Variants in GPC5 observed in about 807,000 individuals in gnomAD.
The protein encoded by GPC5 is glypican 5.
Under a neutral mutation model 53.9 loss-of-function variants are expected in GPC5, and 47 were observed. The ratio of observed to expected loss-of-function variants is 0.87; its 90% CI spans 0.69 to 1.11. The LOEUF (loss-of-function observed/expected upper bound fraction) is 1.11. Among genes scored for constraint, GPC5 ranks in the 50% most tolerant of loss-of-function variants. The probability of loss-of-function intolerance (pLI) is 0.00; values close to 1 mark genes in which losing one functional copy is unlikely to be tolerated. For synonymous variants in GPC5, 286 were observed against 263.3 expected, an observed-to-expected ratio of 1.09 and a Z score of -0.84; for missense variants, 748 against 713.1, an observed-to-expected ratio of 1.05 and a Z score of -0.56.
intron 7 of GPC5, among the ~76,000 whole-genome samples, chr13:92,457,680 A>G (rs1469742483): frequency 6.6e-6 from 1 of 151,986 alleles, no homozygotes; most frequent in Non-Finnish European, 1.5e-5. Flanking sequence ...AATTTAGCCT[A>G]TTTATTTTCC....
rs528396688 is a variant in GPC5 at position 91,918,770 on chromosome 13, T to C, written c.1401+10713T>C. Among the ~76,000 whole-genome samples, 6 of 152,348 alleles carry C rather than the reference T, an allele frequency of 3.9e-5. 1 individual carries two copies. The South Asian group carries it at 1.2e-3, about 32-fold the overall frequency. ...TCTTTGCTCTCACTTTCTTGATTTCTCACCAATATCTTTGATTTCTTTCAT... is the reference window on the plus strand; with the variant it reads ...TCTTTGCTCTCACTTTCTTGATTTCCCACCAATATCTTTGATTTCTTTCAT... On this transcript the variant is annotated intron_variant, in intron 6 of 7. Coordinates refer to ENST00000377067, the MANE Select transcript of GPC5 (RefSeq NM_004466.6).
chr13:92,085,654 A>C (rs2041329806), intron 6 of GPC5, among the ~76,000 whole-genome samples: 1 of 152,178 alleles, frequency 6.6e-6, no homozygotes, highest in South Asian at 2.1e-4. Flanking sequence ...GCTGATCATA[A>C]TGTAGAATCA....
chr13:91,792,419 T>C (rs1842704137), intron 5 of GPC5, among the ~76,000 whole-genome samples: 1 of 152,188 alleles, frequency 6.6e-6, no homozygotes, highest in South Asian at 2.1e-4. Context: ...AATTAAGAAG[T>C]CCTAAACCAG....
intron 3 of GPC5, among the ~76,000 whole-genome samples, chr13:91,715,370 A>G (rs2036314253): frequency 6.6e-6 from 1 of 152,226 alleles, no homozygotes; most frequent in East Asian, 1.9e-4. Context: ...TAGATAAATT[A>G]TAAAACATAT....
intron 7 of GPC5, among the ~76,000 whole-genome samples, chr13:92,528,994 C>G (rs999354782): frequency 6.6e-6 from 1 of 151,902 alleles, no homozygotes; most frequent in African/African-American, 2.4e-5. Context: ...TATTACTGCA[C>G]CAGTGTCAAT....
chr13:92,546,420 G>A (rs1233699411), intron 7 of GPC5, among the ~76,000 whole-genome samples: 2 of 152,028 alleles, frequency 1.3e-5, no homozygotes, highest in African/African-American at 2.4e-5. Context: ...ATTCACAATT[G>A]CTTCAAAGAG....
chr13:92,124,554 G>T (rs562180091), intron 6 of GPC5, among the ~76,000 whole-genome samples: 47 of 152,176 alleles, frequency 3.1e-4, no homozygotes, highest in African/African-American at 1.0e-3. Flanking sequence ...TTGAGAATGA[G>T]GAAAGTGGAA....
intron 3 of GPC5, among the ~76,000 whole-genome samples, chr13:91,721,739 C>T (rs1367113704): frequency 6.6e-6 from 1 of 152,072 alleles, no homozygotes; most frequent in Non-Finnish European, 1.5e-5. Flanking sequence ...AAAGTTTTTC[C>T]CTGTGATCTT....
intron 3 of GPC5, among the ~76,000 whole-genome samples, chr13:91,697,903 C>CTTT (rs200034619): frequency 7.2e-6 from 1 of 139,196 alleles, no homozygotes. Flanking sequence ...AAGATGTTTT[C>CTTT]TTTTTTTTTT....
chr13:91,791,980 G>A lies in GPC5; in HGVS notation c.1280+35560G>A, dbSNP rs141343611. Among the ~76,000 whole-genome samples the A allele has an allele frequency of 2.6e-5, 4 of 152,276 alleles. No homozygotes were observed. In the South Asian group the frequency reaches 6.2e-4, roughly 24 times the overall value. ...TACTTGGTTTTTATAATTGATTAAA[G>A]GTCATATTGATAACTATCACTTTCT... On this transcript the variant is annotated intron_variant, in intron 5 of 7. Coordinates refer to ENST00000377067, the MANE Select transcript of GPC5 (RefSeq NM_004466.6).
intron 7 of GPC5, among the ~76,000 whole-genome samples, chr13:92,723,096 C>G (rs1306464630): frequency 6.6e-6 from 1 of 151,602 alleles, no homozygotes; most frequent in Non-Finnish European, 1.5e-5. Flanking sequence ...ATATCTGAGG[C>G]TTAATTTCCT....
intron 7 of GPC5, among the ~76,000 whole-genome samples, chr13:92,316,435 CAT>C (rs2043179559): frequency 6.6e-6 from 1 of 152,066 alleles, no homozygotes; most frequent in African/African-American, 2.4e-5. Flanking sequence ...TTTGTACACT[CAT>C]ATATTTACTT....
At chr13:92,669,183 T>C (rs538657189) in intron 7 of GPC5, among the ~76,000 whole-genome samples, 252 of 152,322 alleles carry the variant, frequency 1.7e-3, no homozygotes, top group African/African-American at 5.7e-3. Context: ...GTTTCATTTC[T>C]GTATGTAATC....
chr13:92,440,803 A>G (rs1877519882), intron 7 of GPC5, among the ~76,000 whole-genome samples: 1 of 152,088 alleles, frequency 6.6e-6, no homozygotes, highest in Non-Finnish European at 1.5e-5. Context: ...CTGGTGTGAA[A>G]TGGTATCTTA....
chr13:92,555,037 A>T (rs114356301), intron 7 of GPC5, among the ~76,000 whole-genome samples: 1 of 151,368 alleles, frequency 6.6e-6, no homozygotes, highest in African/African-American at 2.4e-5. Flanking sequence ...TTCTTTTTCA[A>T]GATTATAAAA....
chr13:91,529,547 G>A (rs1032972560), intron 2 of GPC5, among the ~76,000 whole-genome samples: 1 of 152,124 alleles, frequency 6.6e-6, no homozygotes, highest in African/African-American at 2.4e-5. Flanking sequence ...GGGTGTTTAA[G>A]GAAAAATCAA....
At chr13:91,868,458 A>G in intron 5 of GPC5, among the ~76,000 whole-genome samples, 1 of 152,208 alleles carries the variant, frequency 6.6e-6, no homozygotes, top group Non-Finnish European at 1.5e-5. Context: ...TATAATCCCA[A>G]CACTGGGAAG....
At chr13:91,949,521 C>T (rs527812511) in intron 6 of GPC5, among the ~76,000 whole-genome samples, 17 of 152,182 alleles carry the variant, frequency 1.1e-4, no homozygotes, top group African/African-American at 4.1e-4. Context: ...TCTATAGCAT[C>T]CTTAAAGGAT....
At chr13:92,399,016 T>A (rs1188362842) in intron 7 of GPC5, among the ~76,000 whole-genome samples, 1 of 152,230 alleles carries the variant, frequency 6.6e-6, no homozygotes, top group Non-Finnish European at 1.5e-5. Flanking sequence ...TGTTTCATGA[T>A]GTTACCTGAT....
Sources: allele counts gnomAD v4.1 joint callset (sites outside exome capture counted in the v4.1 genomes callset), GRCh38; gene constraint gnomAD v4.1.1; transcripts MANE v1.5; gene names NCBI Gene and HGNC (gene_info 2026-07-23, HGNC 2026-07-21).